THSD7B: variants seen among roughly 807,000 people sequenced by gnomAD.
The protein encoded by THSD7B is thrombospondin type 1 domain containing 7B, also known as thrombospondin type-1 domain-containing protein 7B.
THSD7B carries 138 observed loss-of-function variants against 213.6 expected under a neutral mutation model. The ratio of observed to expected loss-of-function variants is 0.65; its 90% CI spans 0.56 to 0.74. The LOEUF (loss-of-function observed/expected upper bound fraction) is 0.74, where lower values mean the gene tolerates loss of function less well. Among genes scored for constraint, THSD7B ranks in the 30% least tolerant of loss-of-function variants. The probability of loss-of-function intolerance (pLI) is 0.00; values close to 1 mark genes in which losing one functional copy is unlikely to be tolerated. For synonymous variants in THSD7B, 742 were observed against 687.0 expected, an observed-to-expected ratio of 1.08 and a Z score of -1.25; for missense variants, 1,931 against 1,991.5, an observed-to-expected ratio of 0.97 and a Z score of 0.58.
chr2:137,167,014 G>C (rs1036001226), intron 6 of THSD7B, among the ~76,000 whole-genome samples: 8 of 151,940 alleles, frequency 5.3e-5, no homozygotes, highest in African/African-American at 1.9e-4. Context: ...GCAGGATGGT[G>C]GTTGATTTCT....
chr2:137,669,552 G>A lies in THSD7B; in HGVS notation c.4739+1691G>A, dbSNP rs148577394. ...CTTTGTATGAGGTTTAAAGGAATAG[G>A]AAGCATTCACCACCAGAAAAGATTA... On this transcript the variant is annotated intron_variant, in intron 27 of 27. Transcript: ENST00000409968. 4.2e-4 allele frequency among the ~76,000 whole-genome samples: 64 copies of A among 152,232 alleles called. No homozygotes were observed. In the East Asian group the frequency reaches 8.5e-3, roughly 20 times the overall value.
rs557427234 is a variant in THSD7B at position 137,420,728 on chromosome 2, C to T, written c.2959+8856C>T. ...CTTATGAATAACTAATTTTAATTCA[C>T]ATATGTGAATTCATTCCCTATGACT... is the stretch of plus-strand genomic sequence containing the variant. On this transcript the variant is annotated intron_variant, in intron 14 of 27. Transcript: ENST00000409968. Among the ~76,000 whole-genome samples the T allele has an allele frequency of 5.9e-5, 9 of 152,286 alleles. No homozygotes were observed. The South Asian group carries it at 1.5e-3, about 25-fold the overall frequency.
intron 26 of THSD7B, among the ~76,000 whole-genome samples, chr2:137,664,314 A>C (rs998162165): frequency 5.9e-5 from 9 of 152,232 alleles, no homozygotes; most frequent in Admixed American, 2.6e-4. Flanking sequence ...TGAAAAGGTA[A>C]AGAGTATCAG....
At chr2:137,146,056 C>CT (rs1679695480) in intron 5 of THSD7B, among the ~76,000 whole-genome samples, 1 of 151,908 alleles carries the variant, frequency 6.6e-6, no homozygotes, top group Non-Finnish European at 1.5e-5. Flanking sequence ...GCATATACAA[C>CT]TTAAGACAAC....
intron 1 of THSD7B, among the ~76,000 whole-genome samples, chr2:136,861,312 T>A (rs1679861205): frequency 6.6e-6 from 1 of 152,242 alleles, no homozygotes; most frequent in Non-Finnish European, 1.5e-5. Flanking sequence ...CTTAGCCTTT[T>A]AAAATCTGGT....
chr2:137,192,716 A>G (rs1680680874), intron 7 of THSD7B, among the ~76,000 whole-genome samples: 2 of 152,188 alleles, frequency 1.3e-5, no homozygotes, highest in South Asian at 4.1e-4. Context: ...TATTCCTGAA[A>G]TCTGGATGTA....
intron 3 of THSD7B, among the ~76,000 whole-genome samples, chr2:137,070,742 A>G (rs1300147400): frequency 6.6e-6 from 1 of 151,234 alleles, no homozygotes; most frequent in Non-Finnish European, 1.5e-5. Context: ...TCCCCGGTGT[A>G]TGATGTTCCC....
At chr2:136,884,557 T>G (rs1683684997) in intron 2 of THSD7B, among the ~76,000 whole-genome samples, 1 of 152,146 alleles carries the variant, frequency 6.6e-6, no homozygotes, top group Non-Finnish European at 1.5e-5. Flanking sequence ...CAGGTAAACA[T>G]CTTGAGCAGG....
Position 136,895,558 on chromosome 2 carries a change from T to C in THSD7B, c.139+13241T>C, listed in dbSNP as rs374672643. ...TTTTTTTTACAGAATTCCATGCTAT[T>C]ACAATACTAGTAATTGTTAGCCTGA... On this transcript the variant is annotated intron_variant, in intron 2 of 27. Coordinates refer to ENST00000409968, the MANE Select transcript of THSD7B (RefSeq NM_001316349.2). 1.3e-4 allele frequency among the ~76,000 whole-genome samples: 19 copies of C among 144,226 alleles called. 1 individual carries two copies. In the South Asian group the frequency reaches 2.5e-3, roughly 19 times the overall value. 94.6% of individuals were successfully genotyped at this position (144,226 alleles called of 152,430 possible).
At chr2:137,081,247 A>G (rs1687742562) in intron 3 of THSD7B, among the ~76,000 whole-genome samples, 1 of 151,920 alleles carries the variant, frequency 6.6e-6, no homozygotes, top group African/African-American at 2.4e-5. Flanking sequence ...AGCTTTCTTT[A>G]TTTTGGGGGA....
At chr2:136,789,201 G>C (rs1442346083) in intron 1 of THSD7B, among the ~76,000 whole-genome samples, 1 of 151,924 alleles carries the variant, frequency 6.6e-6, no homozygotes, top group Non-Finnish European at 1.5e-5. Context: ...TTTTGAAACT[G>C]CTTCCAGGCC....
chr2:137,302,098 G>T (rs1352569725), intron 12 of THSD7B, among the ~76,000 whole-genome samples: 1 of 152,064 alleles, frequency 6.6e-6, no homozygotes, highest in Non-Finnish European at 1.5e-5. Context: ...GGGTAGGGTT[G>T]ATAGGCCCTA....
At chr2:137,547,899 A>C (rs923747623) in intron 15 of THSD7B, among the ~76,000 whole-genome samples, 1 of 151,926 alleles carries the variant, frequency 6.6e-6, no homozygotes, top group African/African-American at 2.4e-5. Context: ...AAGTCTTAAA[A>C]AGGCATTTCT....
intron 1 of THSD7B, among the ~76,000 whole-genome samples, chr2:136,769,610 G>A (rs1482771714): frequency 6.6e-6 from 1 of 152,152 alleles, no homozygotes; most frequent in African/African-American, 2.4e-5. Context: ...TGTATATACT[G>A]TTGTGATGAC....
chr2:137,055,315 T>C (rs557033769), intron 2 of THSD7B, among the ~76,000 whole-genome samples: 1 of 152,324 alleles, frequency 6.6e-6, no homozygotes, highest in African/African-American at 2.4e-5. Context: ...AGTAATGAGA[T>C]TGCTGGGTTG....
At chr2:137,586,014 G>C (rs1681716972) in intron 17 of THSD7B, among the ~76,000 whole-genome samples, 1 of 148,100 alleles carries the variant, frequency 6.8e-6, no homozygotes, top group African/African-American at 2.5e-5. Flanking sequence ...ATGAATCTGG[G>C]TGCTCCTGTA....
At chr2:137,329,645 A>G (rs1171989498) in intron 12 of THSD7B, among the ~76,000 whole-genome samples, 2 of 152,188 alleles carry the variant, frequency 1.3e-5, no homozygotes, top group Non-Finnish European at 2.9e-5. Flanking sequence ...GATTATAGGC[A>G]TGAGCCACTG....
intron 12 of THSD7B, among the ~76,000 whole-genome samples, chr2:137,356,496 G>A (rs1008848141): frequency 1.3e-5 from 2 of 152,160 alleles, no homozygotes; most frequent in African/African-American, 4.8e-5. Context: ...AGGTCCTAAT[G>A]AGTCTCATAT....
At chr2:137,496,998 T>C (rs1679583467) in intron 15 of THSD7B, among the ~76,000 whole-genome samples, 1 of 152,194 alleles carries the variant, frequency 6.6e-6, no homozygotes, top group Non-Finnish European at 1.5e-5. Context: ...CCATTCTTTC[T>C]ATTCTGCAGA....
Sources: allele counts gnomAD v4.1 joint callset (sites outside exome capture counted in the v4.1 genomes callset), GRCh38; gene constraint gnomAD v4.1.1; transcripts MANE v1.5; gene names NCBI Gene and HGNC (gene_info 2026-07-23, HGNC 2026-07-21).